The following ARAP2 variants were observed in gnomAD, a reference collection of about 807,000 sequenced individuals.
The protein encoded by ARAP2 is arf-GAP with Rho-GAP domain, ANK repeat and PH domain-containing protein 2.
In ARAP2, 148 loss-of-function variants were observed where a neutral mutation model predicts 194.5. That is an observed-to-expected ratio of 0.76 (90% CI 0.67 to 0.87). ARAP2 has a LOEUF of 0.87. Ranked by LOEUF, ARAP2 falls within the 40% of genes least tolerant of loss-of-function variation. The probability of loss-of-function intolerance (pLI) is 0.00; values close to 1 mark genes in which losing one functional copy is unlikely to be tolerated. For missense variants in ARAP2, 2,128 were observed against 1,989.7 expected (o/e 1.07, Z -1.32); for synonymous variants, 695 against 683.5 (o/e 1.02, Z -0.26).
intron 8 of ARAP2, among the ~76,000 whole-genome samples, chr4:36,014,695 T>A (rs1715463480): frequency 6.6e-6 from 1 of 152,210 alleles, no homozygotes; most frequent in African/African-American, 2.4e-5. Flanking sequence ...ACTGAATGTT[T>A]GTGTTTCCCC....
At chr4:36,093,217 G>C (rs112633041) in intron 27 of ARAP2, among the ~76,000 whole-genome samples, 1 of 151,934 alleles carries the variant, frequency 6.6e-6, no homozygotes, top group Admixed American at 6.6e-5. Context: ...GGCGGAGGGT[G>C]GGGGGAAGGA....
At chr4:36,199,619 C>T (rs1033390847) in intron 6 of ARAP2, among the ~76,000 whole-genome samples, 2 of 152,168 alleles carry the variant, frequency 1.3e-5, no homozygotes, top group Non-Finnish European at 2.9e-5. Flanking sequence ...CAACATCTCA[C>T]CCTTAACCCC....
chr4:36,207,655 A>T (rs1221237113), intron 6 of ARAP2, among the ~76,000 whole-genome samples: 1 of 152,234 alleles, frequency 6.6e-6, no homozygotes, highest in Non-Finnish European at 1.5e-5. Context: ...TTCATTAAAC[A>T]AAAGACAGTT....
Position 36,014,319 on chromosome 4 carries a change from A to AG in ARAP2, n.1056+1066_1056+1067insC, listed in dbSNP as rs1560264963. On this transcript the variant is annotated intron_variant and non_coding_transcript_variant, in intron 8 of 12. Coordinates refer to the ARAP2 transcript ENST00000503225. ...AAAGAAGAGAAGGAAGGAAAGAAAG[A>AG]AAGAGAGAAAGAAAGAAAGAAAGAA... Among the ~76,000 whole-genome samples, 231 of 109,724 alleles carry AG rather than the reference A, an allele frequency of 2.1e-3. 11 individuals carry two copies. The highest frequency in any genetic ancestry group is 9.6e-3 in the African/African-American group (217 of 22,654). The allele number at this position is 109,724 out of a possible 152,430, so 72.0% of individuals were successfully genotyped here.
At chr4:36,121,411 C>T (rs1722654109) in intron 22 of ARAP2, 85 bp from the exon 23 acceptor site, 1 of 1,266,248 alleles carries the variant, frequency 7.9e-7, no homozygotes. Context: ...AATTTTTAAA[C>T]ACAGCAATAT....
chr4:36,066,519 T>C lies in ARAP2; in HGVS notation c.*1388A>G, dbSNP rs1274073667. On this transcript the variant is annotated 3_prime_UTR_variant, in exon 33 of 33. Transcript: ENST00000303965. ...CCACATCACTGTACTATGATTGGAC[T>C]GACTGAAGTATGGGCCTGTGAATAT... 3.3e-5 allele frequency: 5 copies of C among 151,932 alleles called. No homozygotes were observed. The highest frequency in any genetic ancestry group is 1.5e-5 in the Non-Finnish European group (1 of 67,986). 9.4% of individuals were successfully genotyped at this position (151,932 alleles called of 1,614,324 possible).
chr4:36,197,504 G>A (rs1348197582), intron 6 of ARAP2, among the ~76,000 whole-genome samples: 2 of 152,228 alleles, frequency 1.3e-5, no homozygotes, highest in Non-Finnish European at 2.9e-5. Context: ...TCCTCAGGGT[G>A]TTGCTTTTCT....
chr4:36,091,217 T>C (rs1386020009), intron 28 of ARAP2, among the ~76,000 whole-genome samples: 1 of 152,168 alleles, frequency 6.6e-6, no homozygotes, highest in East Asian at 1.9e-4. Flanking sequence ...ATTACAGATT[T>C]GGATACTGAG....
In ARAP2 at chr4:36,193,666, T is replaced by C. The variant is rs766748989; in HGVS notation, c.1488-19A>G. On this transcript the variant is annotated intron_variant, in intron 6 of 32. Transcript: ENST00000303965. Reference sequence around the variant, plus strand: ...GCGTTTTCTGCAAAACATATGAAATTGTTATTTTACATTCAAGTAACATGA... The same window carrying C: ...GCGTTTTCTGCAAAACATATGAAATCGTTATTTTACATTCAAGTAACATGA... 1.3e-6 allele frequency: 2 copies of C among 1,580,894 alleles called. No homozygotes were observed. The highest frequency in any genetic ancestry group is 2.7e-5 in the African/African-American group (2 of 73,922).
intron 11 of ARAP2, among the ~76,000 whole-genome samples, chr4:36,162,215 C>T (rs1734261849): frequency 6.6e-6 from 1 of 151,982 alleles, no homozygotes; most frequent in Non-Finnish European, 1.5e-5. Context: ...TGGTAATCAG[C>T]TAGAAATAGG....
In ARAP2 at chr4:36,160,568, T is replaced by A. The variant is rs747870799; in HGVS notation, c.2333A>T (p.His778Leu). ...TCTCTTTTCTACTGGTGAGTCCATA[T>A]GTAATTCTTCATCCTTTTGAAGATT... is the stretch of plus-strand genomic sequence containing the variant. ...AGNLQKDEEL[H>L]MDSPVEKRKN... Residue 778 changes from histidine (H) to leucine (L), a missense_variant, in exon 13 of 33, where the codon CAT (histidine) becomes CTT (leucine). Transcript: ENST00000303965. 6.4e-7 allele frequency: 1 copy of A among 1,555,418 alleles called. No homozygotes were observed. Among genetic ancestry groups the A allele is most frequent in the Non-Finnish European group, 8.6e-7 (1 of 1,159,982 alleles).
At chr4:36,243,831 A>T (rs537384712) in intron 1 of ARAP2, 5 of 152,260 alleles carry the variant, frequency 3.3e-5, no homozygotes, top group Non-Finnish European at 7.3e-5. Flanking sequence ...GGGCAAATTC[A>T]TGATCTCTAC....
At chr4:36,135,704 C>T (rs1442991749) in intron 19 of ARAP2, among the ~76,000 whole-genome samples, 1 of 151,684 alleles carries the variant, frequency 6.6e-6, no homozygotes, top group Non-Finnish European at 1.5e-5. Flanking sequence ...AACATCAAAC[C>T]TCTTGATTAT....
intron 10 of ARAP2, 70 bp from the exon 11 acceptor site, chr4:36,165,183 G>C: frequency 6.9e-7 from 1 of 1,456,756 alleles, no homozygotes; most frequent in Non-Finnish European, 9.5e-7. Flanking sequence ...TGTTCAGTTT[G>C]CATATTCATT....
chr4:36,012,002 T>C (rs936364056), intron 9 of ARAP2, among the ~76,000 whole-genome samples: 3 of 152,180 alleles, frequency 2.0e-5, no homozygotes, highest in Non-Finnish European at 4.4e-5. Flanking sequence ...TTCTAAAATA[T>C]CTAAAGCATT....
At chr4:36,145,081 G>A (rs1729326046) in intron 19 of ARAP2, among the ~76,000 whole-genome samples, 3 of 151,388 alleles carry the variant, frequency 2.0e-5, no homozygotes, top group African/African-American at 7.3e-5. Context: ...AAGCCAAGGG[G>A]AAAAAAACCA....
At chr4:36,148,382 G>A in intron 17 of ARAP2, 23 bp downstream of exon 17, 2 of 1,558,956 alleles carry the variant, frequency 1.3e-6, no homozygotes, top group Non-Finnish European at 1.8e-6. Context: ...TGGATTTAGA[G>A]CAGTAACATA....
In ARAP2 at chr4:36,136,235, G is replaced by A. The variant is rs535271079; in HGVS notation, c.3264-2846C>T. On this transcript the variant is annotated intron_variant, in intron 19 of 32. Transcript: ENST00000303965. ...TTATCAAATTCACATTCCTGGATTC[G>A]AATTCCAAAGAAACATTTACTTATA... is the stretch of plus-strand genomic sequence containing the variant. 7.9e-5 allele frequency among the ~76,000 whole-genome samples: 12 copies of A among 151,760 alleles called. No individual in the cohort carries two copies. In the East Asian group the frequency reaches 1.4e-3, roughly 17 times the overall value.
intron 19 of ARAP2, among the ~76,000 whole-genome samples, chr4:36,145,443 T>C (rs1371949958): frequency 6.6e-6 from 1 of 151,868 alleles, no homozygotes; most frequent in Non-Finnish European, 1.5e-5. Context: ...AATCAAATAC[T>C]GCATGTACTC....
Sources: allele counts gnomAD v4.1 joint callset (sites outside exome capture counted in the v4.1 genomes callset), GRCh38; gene constraint gnomAD v4.1.1; transcripts MANE v1.5; gene names NCBI Gene and HGNC (gene_info 2026-07-23, HGNC 2026-07-21).